Variants in WWOX observed in about 807,000 individuals in gnomAD.
The protein encoded by WWOX is WW domain containing oxidoreductase.
Under a neutral mutation model 46.2 loss-of-function variants are expected in WWOX, and 69 were observed. The ratio of observed to expected loss-of-function variants is 1.49; its 90% CI spans 1.23 to 1.82. The LOEUF (loss-of-function observed/expected upper bound fraction) is 1.82, where lower values mean the gene tolerates loss of function less well. WWOX is among the 40% of genes most tolerant of loss of function. WWOX has a pLI of 0.00. For synonymous variants in WWOX, 359 were observed against 202.6 expected, an observed-to-expected ratio of 1.77 and a Z score of -6.56; for missense variants, 919 against 542.6, an observed-to-expected ratio of 1.69 and a Z score of -6.89.
At chr16:78,692,610 AC>A (rs909406292) in intron 8 of WWOX, among the ~76,000 whole-genome samples, 3 of 152,098 alleles carry the variant, frequency 2.0e-5, no homozygotes, top group African/African-American at 7.2e-5. Context: ...TGAATCTCTC[AC>A]CCCCATGTTT....
intron 8 of WWOX, among the ~76,000 whole-genome samples, chr16:79,156,606 T>TA (rs971907519): frequency 1.1e-4 from 17 of 151,200 alleles, no homozygotes; most frequent in Admixed American, 4.6e-4. Context: ...ATTAACAAGT[T>TA]AAAAAAAAAT....
In WWOX at chr16:79,212,027, C is replaced by G. The variant is rs556420201; in HGVS notation, c.*231C>G. 2.6e-6 allele frequency: 4 copies of G among 1,536,152 alleles called. No homozygotes were observed. Among genetic ancestry groups the G allele is most frequent in the South Asian group, 2.4e-5 (2 of 84,070 alleles). ...GGCTAGGCATAGGTCTCTTTGCTTT[C>G]TGGTGGTGGCCTGTTTGAAAGTAAA... On this transcript the variant is annotated 3_prime_UTR_variant, in exon 9 of 9. Coordinates refer to ENST00000566780, the MANE Select transcript of WWOX (RefSeq NM_016373.4).
At chr16:78,461,756 C>G (rs2069962862) in intron 8 of WWOX, among the ~76,000 whole-genome samples, 1 of 152,170 alleles carries the variant, frequency 6.6e-6, no homozygotes, top group Non-Finnish European at 1.5e-5. Flanking sequence ...ATCGTCGAGC[C>G]CTCCCTTTTC....
chr16:78,129,512 A>C (rs1004237280), intron 4 of WWOX, among the ~76,000 whole-genome samples: 1 of 152,168 alleles, frequency 6.6e-6, no homozygotes, highest in South Asian at 2.1e-4. Flanking sequence ...TTGTGTGTGC[A>C]GTCCATTGTC....
intron 8 of WWOX, among the ~76,000 whole-genome samples, chr16:79,064,099 A>G (rs1420355103): frequency 2.6e-5 from 4 of 152,236 alleles, no homozygotes; most frequent in Non-Finnish European, 4.4e-5. Flanking sequence ...TCTAGTGTTT[A>G]TGTAAATGAT....
At chr16:78,999,090 G>A (rs568629820) in intron 8 of WWOX, among the ~76,000 whole-genome samples, 18 of 152,032 alleles carry the variant, frequency 1.2e-4, no homozygotes, top group Admixed American at 3.9e-4. Flanking sequence ...GTAGGTTTGC[G>A]CAACACAACT....
At chr16:78,475,615 C>T (rs1161379555) in intron 8 of WWOX, among the ~76,000 whole-genome samples, 1 of 152,054 alleles carries the variant, frequency 6.6e-6, no homozygotes, top group Non-Finnish European at 1.5e-5. Context: ...TAGTTCATTT[C>T]ATTTAAGACA....
At chr16:78,872,933 G>A (rs919211570) in intron 8 of WWOX, 2 of 152,290 alleles carry the variant, frequency 1.3e-5, no homozygotes, top group Non-Finnish European at 2.9e-5. Flanking sequence ...TTGTATCTGG[G>A]ACCACAGGTA....
intron 5 of WWOX, among the ~76,000 whole-genome samples, chr16:78,366,745 T>C (rs1330132116): frequency 6.6e-6 from 1 of 152,154 alleles, no homozygotes; most frequent in Non-Finnish European, 1.5e-5. Context: ...AGAGAAAAGG[T>C]TTTCCAATCT....
chr16:78,518,703 G>A (rs1001624590), intron 8 of WWOX, among the ~76,000 whole-genome samples: 1 of 152,184 alleles, frequency 6.6e-6, no homozygotes, highest in African/African-American at 2.4e-5. Flanking sequence ...GCAAGGTCCT[G>A]GGGAACCAGT....
chr16:79,075,767 G>A (rs1310899455), intron 8 of WWOX, among the ~76,000 whole-genome samples: 1 of 152,114 alleles, frequency 6.6e-6, no homozygotes, highest in Non-Finnish European at 1.5e-5. Context: ...GATTTTTCAA[G>A]TAAGGTAATG....
chr16:78,747,663 T>C (rs2049380319), intron 8 of WWOX, among the ~76,000 whole-genome samples: 2 of 152,274 alleles, frequency 1.3e-5, no homozygotes, highest in South Asian at 4.1e-4. Flanking sequence ...TTTTGAGCAC[T>C]TACCACTTTC....
chr16:78,695,408 G>T (rs150027433), intron 8 of WWOX, among the ~76,000 whole-genome samples: 29 of 152,202 alleles, frequency 1.9e-4, no homozygotes, highest in African/African-American at 7.0e-4. Context: ...CCTATTTGCC[G>T]TGTCTCTTTT....
intron 5 of WWOX, among the ~76,000 whole-genome samples, chr16:78,386,087 C>CAG (rs143841451): frequency 0.016 from 2,444 of 152,268 alleles, 64 homozygotes; most frequent in African/African-American, 0.056. Flanking sequence ...GCTTCTTTAT[C>CAG]AGTGACTGGG....
chr16:79,132,098 G>A (rs942658684), intron 8 of WWOX, among the ~76,000 whole-genome samples: 3 of 149,090 alleles, frequency 2.0e-5, no homozygotes, highest in South Asian at 2.1e-4. Flanking sequence ...GAGTCAAACC[G>A]TATCACTCTC....
intron 8 of WWOX, chr16:78,899,491 G>A (rs2044775387): frequency 6.6e-6 from 1 of 152,266 alleles, no homozygotes; most frequent in Admixed American, 6.5e-5. Flanking sequence ...GATACACAGT[G>A]AGTTCTCCAT....
intron 8 of WWOX, chr16:78,996,261 A>T (rs911821080): frequency 5.1e-6 from 5 of 984,980 alleles, no homozygotes; most frequent in Non-Finnish European, 6.0e-6. Context: ...GCTGAGCCAG[A>T]CCCCTTTTCA....
intron 6 of WWOX, among the ~76,000 whole-genome samples, chr16:78,405,238 T>C (rs1225287502): frequency 6.6e-6 from 1 of 152,214 alleles, no homozygotes; most frequent in African/African-American, 2.4e-5. Context: ...GAAAAATTCC[T>C]GGTGGTCTCC....
At chr16:78,970,643 G>A (rs1460220273) in intron 8 of WWOX, among the ~76,000 whole-genome samples, 1 of 152,186 alleles carries the variant, frequency 6.6e-6, no homozygotes, top group Non-Finnish European at 1.5e-5. Flanking sequence ...ATAGTGTAAT[G>A]CCAGAATCAT....
Sources: gnomAD v4.1 joint callset for allele counts (sites outside exome capture counted in the v4.1 genomes callset) on GRCh38, gnomAD v4.1.1 for gene constraint, MANE v1.5 for transcripts, NCBI Gene and HGNC (gene_info 2026-07-23, HGNC 2026-07-21) for gene names.